Variants in ADSS1 observed in about 807,000 individuals in gnomAD.
ADSS1 encodes adenylosuccinate synthetase isozyme 1.
A neutral mutation model predicts 59.1 loss-of-function variants in ADSS1; 57 were observed. That is an observed-to-expected ratio of 0.97 (90% CI 0.78 to 1.20). The LOEUF is 1.20. ADSS1 is among the 50% of genes most tolerant of loss of function. ADSS1 has a pLI of 0.00. For synonymous variants in ADSS1, 247 were observed against 249.4 expected (o/e 0.99, Z 0.09); for missense variants, 603 against 610.3 (o/e 0.99, Z 0.13).
At position 104,746,234 on chromosome 14, in the gene ADSS1, A is replaced by G. The variant is rs2140833479; in HGVS notation, c.1172-2A>G. On this transcript the variant is annotated splice_acceptor_variant, in intron 11 of 12. Coordinates refer to ENST00000330877, the MANE Select transcript of ADSS1 (RefSeq NM_152328.5). LOFTEE classifies it high-confidence loss of function. ...CACTCATCTCCTGTGTGCTTCCCCCAGCTAACCAGGAGATGCTTCAGAAGG... is the reference window on the plus strand; with the variant it reads ...CACTCATCTCCTGTGTGCTTCCCCCGGCTAACCAGGAGATGCTTCAGAAGG... The G allele has an allele frequency of 6.2e-7, 1 of 1,605,920 alleles. No homozygotes were observed.
chr14:104,736,537 C>T (rs1459821366), intron 2 of ADSS1, among the ~76,000 whole-genome samples: 1 of 152,138 alleles, frequency 6.6e-6, no homozygotes, highest in East Asian at 1.9e-4. Context: ...TGGCTTGCGT[C>T]GTCTCCGGGT....
At chr14:104,742,751 G>A (rs1382694475) in intron 9 of ADSS1, among the ~76,000 whole-genome samples, 1 of 152,136 alleles carries the variant, frequency 6.6e-6, no homozygotes, top group Non-Finnish European at 1.5e-5. Flanking sequence ...AGCTGCCCAT[G>A]GCAGGAGGGG....
chr14:104,742,092 C>T, intron 9 of ADSS1, 90 bp downstream of exon 9: 1 of 1,517,346 alleles, frequency 6.6e-7, no homozygotes, highest in Non-Finnish European at 8.9e-7. Context: ...AGGGTGGAGG[C>T]TCTGCGGACC....
intron 1 of ADSS1, among the ~76,000 whole-genome samples, chr14:104,732,030 G>C (rs564428803): frequency 6.6e-6 from 1 of 152,196 alleles, no homozygotes; most frequent in East Asian, 1.9e-4. Context: ...CCTGCACACC[G>C]TGCTGAGAGG....
intron 1 of ADSS1, chr14:104,730,248 C>T: frequency 6.9e-7 from 1 of 1,454,280 alleles, no homozygotes. Context: ...AACTCCAGCA[C>T]TTTGGGAGGC....
chr14:104,729,862 T>A (rs1334896975), intron 1 of ADSS1: 2 of 1,385,206 alleles, frequency 1.4e-6, no homozygotes, highest in African/African-American at 3.2e-5. Context: ...GAGCGTGGCG[T>A]CGGCGTCGTG....
At chr14:104,735,271 C>A in intron 2 of ADSS1, 149 bp downstream of exon 2, 1 of 712,062 alleles carries the variant, frequency 1.4e-6, no homozygotes, top group Non-Finnish European at 2.3e-6. Flanking sequence ...CCCCACCAGG[C>A]ACTGGTGCAC....
At chr14:104,730,206 G>A in intron 1 of ADSS1, 1 of 1,513,208 alleles carries the variant, frequency 6.6e-7, no homozygotes, top group Non-Finnish European at 8.9e-7. Flanking sequence ...ACACCTGGAG[G>A]GGAGCGGGTG....
rs1891588188 is a variant in ADSS1 at position 104,746,992 on chromosome 14, C to T, written c.1363C>T (p.Gln455Ter). The change falls in exon 13 of 13, where the codon CAG becomes TAG. Residue 455 changes from glutamine (Q) to a stop codon, truncating the protein, a stop_gained. Transcript: ENST00000330877. LOFTEE classifies it high-confidence loss of function. ...GVGKSRESMI[Q>*]LF ...TGGCAAGTCAAGAGAGTCGATGATC[C>T]AGCTGTTTTAGTCACAGACTGAGCT... 6.2e-7 allele frequency: 1 copy of T among 1,614,008 alleles called. No homozygotes were observed. The highest frequency in any genetic ancestry group is 8.5e-7 in the Non-Finnish European group (1 of 1,179,890).
At chr14:104,724,515 C>A (rs1488222721) in intron 1 of ADSS1, 53 bp downstream of exon 1, 23 of 1,228,582 alleles carry the variant, frequency 1.9e-5, no homozygotes, top group African/African-American at 3.1e-5. Context: ...GCCCCCCTCC[C>A]CCGACCCAGA....
intron 1 of ADSS1, among the ~76,000 whole-genome samples, chr14:104,731,854 G>A (rs1890944550): frequency 6.6e-6 from 1 of 152,216 alleles, no homozygotes; most frequent in South Asian, 2.1e-4. Context: ...CGGGCTGCCT[G>A]GAACAAGCAG....
intron 1 of ADSS1, among the ~76,000 whole-genome samples, chr14:104,734,184 C>T (rs1241325748): frequency 6.6e-6 from 1 of 152,228 alleles, no homozygotes; most frequent in East Asian, 1.9e-4. Flanking sequence ...TGCCTTGGGA[C>T]TGGAGTGTCC....
intron 1 of ADSS1, among the ~76,000 whole-genome samples, chr14:104,728,058 G>A (rs1890770335): frequency 6.6e-6 from 1 of 152,236 alleles, no homozygotes; most frequent in Non-Finnish European, 1.5e-5. Context: ...AGGGGTGTGA[G>A]ATCACAGGGT....
intron 1 of ADSS1, among the ~76,000 whole-genome samples, chr14:104,732,043 T>C (rs2140764372): frequency 6.6e-6 from 1 of 152,322 alleles, no homozygotes; most frequent in Middle Eastern, 3.4e-3. Context: ...CTGAGAGGCC[T>C]GGCGTCCACC....
chr14:104,736,394 A>G (rs1433012742), intron 2 of ADSS1, among the ~76,000 whole-genome samples: 16 of 152,236 alleles, frequency 1.1e-4, no homozygotes. Context: ...AACAAGGCCA[A>G]AGAGGCACCG....
rs1235772097 is a variant in ADSS1, at chr14:104,739,498, G to A, written c.409+120G>A. The A allele has an allele frequency of 3.3e-5, 38 of 1,167,444 alleles. No individual in the cohort carries two copies. The Middle Eastern group carries it at 5.8e-4, about 18-fold the overall frequency. The allele number at this position is 1,167,444 out of a possible 1,614,324, so 72.3% of individuals were successfully genotyped here. ...CCCCAAGGCCTTCTTGCTCCACATG[G>A]CTCCATTAGCTTGTACATTACCCTT... On this transcript the variant is annotated intron_variant, in intron 4 of 12. Transcript: ENST00000330877.
chr14:104,742,984 G>A (rs986932361), intron 9 of ADSS1, 83 bp from the exon 10 acceptor site: 15 of 1,586,026 alleles, frequency 9.5e-6, no homozygotes, highest in Non-Finnish European at 1.0e-5. Context: ...AGAGCTGTGT[G>A]CAGGGAGGAG....
At chr14:104,730,564 T>C (rs1890885097) in intron 1 of ADSS1, among the ~76,000 whole-genome samples, 1 of 152,064 alleles carries the variant, frequency 6.6e-6, no homozygotes, top group African/African-American at 2.4e-5. Flanking sequence ...TATAGATAGA[T>C]AGATGATATG....
intron 8 of ADSS1, 136 bp downstream of exon 8, chr14:104,741,379 C>T (rs578085970): frequency 1.9e-5 from 22 of 1,176,446 alleles, no homozygotes; most frequent in South Asian, 3.6e-5. Flanking sequence ...TCCATGCCCG[C>T]GGAAATGATC....
Sources: gnomAD v4.1 joint callset for allele counts (sites outside exome capture counted in the v4.1 genomes callset) on GRCh38, gnomAD v4.1.1 for gene constraint, MANE v1.5 for transcripts, NCBI Gene and HGNC (gene_info 2026-07-23, HGNC 2026-07-21) for gene names.